EZH1: variants seen among roughly 807,000 people sequenced by gnomAD.
EZH1 encodes the protein histone-lysine N-methyltransferase EZH1.
In EZH1, 33 loss-of-function variants were observed where a neutral mutation model predicts 100.5. The ratio of observed to expected loss-of-function variants is 0.33; its 90% CI spans 0.25 to 0.44. The LOEUF is 0.44. Ranked by LOEUF, EZH1 falls within the 20% of genes least tolerant of loss-of-function variation. EZH1 has a pLI of 1.00. For synonymous variants in EZH1, 272 were observed against 313.8 expected, an observed-to-expected ratio of 0.87 and a Z score of 1.41; for missense variants, 475 against 928.4, an observed-to-expected ratio of 0.51 and a Z score of 6.35.
At chr17:42,730,459 G>C (rs1048813540) in intron 2 of EZH1, among the ~76,000 whole-genome samples, 1 of 148,364 alleles carries the variant, frequency 6.7e-6, no homozygotes, top group Non-Finnish European at 1.5e-5. Flanking sequence ...TTTGAATTAA[G>C]GTTCAACGTT....
chr17:42,703,753 G>A lies in EZH1; in HGVS notation c.2085C>T (p.Asn695=), dbSNP rs539028388. The A allele has an allele frequency of 1.1e-5, 18 of 1,613,940 alleles. No individual in the cohort carries two copies. The African/African-American group carries it at 1.7e-4, about 16-fold the overall frequency. The part of the protein sequence containing the change: ...IRFANHSVNP[N]CYAKVVMVNG... ...ACTGGGACTCACCTTTGGCATAACA[G>A]TTGGGATTCACTGAATGATTTGCAA... The change falls in exon 19 of 21, where the codon AAC becomes AAT. Residue 695 remains asparagine, a synonymous_variant. Coordinates refer to ENST00000428826, the MANE Select transcript of EZH1 (RefSeq NM_001991.5).
Position 42,703,743 on chromosome 17 carries a change from T to C in EZH1, c.2095A>G (p.Lys699Glu). 6.2e-7 allele frequency: 1 copy of C among 1,613,714 alleles called. No homozygotes were observed. Among genetic ancestry groups the C allele is most frequent in the Non-Finnish European group, 8.5e-7 (1 of 1,179,576 alleles). The change falls in exon 19 of 21, where the codon AAA (lysine) becomes GAA (glutamate). Residue 699 changes from lysine to glutamate, a missense_variant. Lys to Glu is a moderately conservative substitution (Grantham distance 56, BLOSUM62 1). Transcript: ENST00000428826. ...CTCCCAGGTTACTGGGACTCACCTTTGGCATAACAGTTGGGATTCACTGAA... is the reference window on the plus strand; with the variant it reads ...CTCCCAGGTTACTGGGACTCACCTTCGGCATAACAGTTGGGATTCACTGAA... ...NHSVNPNCYA[K>E]VVMVNGDHRI...
chr17:42,734,852 G>C, intron 1 of EZH1, among the ~76,000 whole-genome samples: 1 of 151,694 alleles, frequency 6.6e-6, no homozygotes, highest in East Asian at 1.9e-4. Flanking sequence ...AATTAGCCGG[G>C]TGTGGTGGTG....
chr17:42,736,075 A>C (rs1365927896), intron 1 of EZH1, among the ~76,000 whole-genome samples: 1 of 152,256 alleles, frequency 6.6e-6, no homozygotes, highest in Non-Finnish European at 1.5e-5. Context: ...CCATATCATT[A>C]GTCATTAGGG....
intron 4 of EZH1, among the ~76,000 whole-genome samples, chr17:42,726,910 T>C (rs565340963): frequency 6.6e-6 from 1 of 152,150 alleles, no homozygotes; most frequent in South Asian, 2.1e-4. Flanking sequence ...AGTGCAGTGG[T>C]GTGATCTTGG....
At chr17:42,711,533 C>T (rs571098189) in intron 12 of EZH1, among the ~76,000 whole-genome samples, 2 of 151,750 alleles carry the variant, frequency 1.3e-5, no homozygotes, top group South Asian at 2.1e-4. Flanking sequence ...ATCCCAGTTG[C>T]TTGGGAGGAT....
intron 1 of EZH1, among the ~76,000 whole-genome samples, chr17:42,736,852 TTAA>T (rs2054074489): frequency 6.6e-6 from 1 of 151,560 alleles, no homozygotes; most frequent in Admixed American, 6.6e-5. Flanking sequence ...CTCTGCCTCA[TTAA>T]TAATAATAGT....
chr17:42,744,404 G>A lies in EZH1; in HGVS notation c.-103+607C>T, dbSNP rs966265297. On this transcript the variant is annotated intron_variant, in intron 1 of 20. Coordinates refer to ENST00000428826, the MANE Select transcript of EZH1 (RefSeq NM_001991.5). Reference sequence around the variant, plus strand: ...GAAGGAGATTCTTGCTCAGGGCCAGGCCTGGGGTGAGGCGACCGAGGCACC... The same window carrying A: ...GAAGGAGATTCTTGCTCAGGGCCAGACCTGGGGTGAGGCGACCGAGGCACC... Among the ~76,000 whole-genome samples, 4 of 152,182 alleles carry A rather than the reference G, an allele frequency of 2.6e-5. No individual in the cohort carries two copies. In the East Asian group the frequency reaches 5.8e-4, roughly 22 times the overall value.
At chr17:42,732,909 A>C (rs994204860) in intron 1 of EZH1, among the ~76,000 whole-genome samples, 1 of 151,246 alleles carries the variant, frequency 6.6e-6, no homozygotes, top group Non-Finnish European at 1.5e-5. Context: ...CTGAGATTGC[A>C]CCACTGCGCT....
Position 42,729,208 on chromosome 17 carries a change from A to G in EZH1, c.-11-256T>C, listed in dbSNP as rs528097815. 69 of 314,180 alleles carry G rather than the reference A, an allele frequency of 2.2e-4. 1 individual carries two copies. In the South Asian group the frequency reaches 2.4e-3, roughly 11 times the overall value. The allele number at this position is 314,180 out of a possible 1,614,324, so 19.5% of individuals were successfully genotyped here. Reference sequence around the variant, plus strand: ...CACTACTTGAGCCCAGTGATTTGAGACAACCTTGGGCAACATGGTGAAACC... The same window carrying G: ...CACTACTTGAGCCCAGTGATTTGAGGCAACCTTGGGCAACATGGTGAAACC... On this transcript the variant is annotated intron_variant, in intron 2 of 20. Transcript: ENST00000428826.
rs2053323973 is a variant in EZH1 at position 42,705,045 on chromosome 17, G to C, written c.1935+43C>G. The C allele has an allele frequency of 4.1e-6, 6 of 1,481,326 alleles. No individual in the cohort carries two copies. The Admixed American group carries it at 6.7e-5, about 17-fold the overall frequency. 91.8% of individuals were successfully genotyped at this position (1,481,326 alleles called of 1,614,324 possible). ...CACAGAAAATCAGAGTTTCTCATCA[G>C]TCTCCCCCGAGTAAGAATGTGGGCC... On this transcript the variant is annotated intron_variant, in intron 17 of 20. Transcript: ENST00000428826.
intron 1 of EZH1, among the ~76,000 whole-genome samples, chr17:42,737,568 T>G (rs940953151): frequency 1.3e-5 from 2 of 152,216 alleles, no homozygotes; most frequent in Non-Finnish European, 1.5e-5. Context: ...ACTGCGCCAT[T>G]GCACTCCAGC....
At chr17:42,709,134 C>A in intron 13 of EZH1, 1 of 580,228 alleles carries the variant, frequency 1.7e-6, no homozygotes, top group Non-Finnish European at 3.1e-6. Context: ...ACAACCCCTC[C>A]CAAACAAGCA....
rs776239955 is a variant in EZH1 at position 42,706,202 on chromosome 17, G to A, written c.1661-17C>T. On this transcript the variant is annotated splice_polypyrimidine_tract_variant and intron_variant, in intron 15 of 20. Coordinates refer to ENST00000428826, the MANE Select transcript of EZH1 (RefSeq NM_001991.5). The surrounding 1 kb of genome is among the most constrained non-coding windows in gnomAD (Gnocchi z 4.4). ...GATTCTGACCTGGGAAGGGAAGACAGGTAAGTCTTAGAAGGGAAATAAGCT... is the reference window on the plus strand; with the variant it reads ...GATTCTGACCTGGGAAGGGAAGACAAGTAAGTCTTAGAAGGGAAATAAGCT... 4.8e-5 allele frequency: 76 copies of A among 1,599,186 alleles called. No individual in the cohort carries two copies. Among genetic ancestry groups the A allele is most frequent in the Non-Finnish European group, 6.3e-5 (74 of 1,170,314 alleles).
At chr17:42,711,107 G>A (rs1453535548) in intron 12 of EZH1, among the ~76,000 whole-genome samples, 2 of 151,982 alleles carry the variant, frequency 1.3e-5, no homozygotes, top group Non-Finnish European at 2.9e-5. Context: ...GTCTTTTCCT[G>A]GGCCAATCAC....
chr17:42,709,152 T>A (rs2053422683), intron 13 of EZH1: 1 of 572,214 alleles, frequency 1.7e-6, no homozygotes, highest in Non-Finnish European at 3.1e-6. Flanking sequence ...GCAAATAACA[T>A]AAAAGAACAC....
At chr17:42,725,162 T>C (rs1289903377) in intron 4 of EZH1, among the ~76,000 whole-genome samples, 1 of 152,074 alleles carries the variant, frequency 6.6e-6, no homozygotes. Context: ...CGATACTCCG[T>C]CTCAAAAAAA....
Position 42,722,693 on chromosome 17 carries a change from C to A in EZH1, c.487+102G>T, listed in dbSNP as rs2053738052. ...ACATTGAAATATTCTGCAGTGTGTA[C>A]CCCATGGGGCAGAAGATAAAAGCAA... On this transcript the variant is annotated intron_variant, in intron 6 of 20. Transcript: ENST00000428826. 11 of 1,153,382 alleles carry A rather than the reference C, an allele frequency of 9.5e-6. No homozygotes were observed. The South Asian group carries it at 1.6e-4, about 17-fold the overall frequency. The allele number at this position is 1,153,382 out of a possible 1,614,324, so 71.4% of individuals were successfully genotyped here.
In EZH1 at chr17:42,720,282, C is replaced by G. The variant is rs1339732674; in HGVS notation, c.655G>C (p.Ala219Pro). ...AGCCAGTGCTACGTACCTTCAATAG[C>G]ATGTCGCTTTCTCTTTCTTGTTACT... Reference protein sequence around the residue: ...LPVTRKRKRHAIEGNKKSSKK... With the variant: ...LPVTRKRKRHPIEGNKKSSKK... The change falls in exon 7 of 21, where the codon GCT becomes CCT. Residue 219 changes from alanine to proline, a missense_variant. Ala to Pro is a conservative substitution (Grantham distance 27). This residue lies in a region of EZH1 where 180 missense variants were observed against 295.3 expected (regional missense o/e 0.61). Transcript: ENST00000428826. The G allele has an allele frequency of 6.2e-7, 1 of 1,613,234 alleles. No homozygotes were observed. The highest frequency in any genetic ancestry group is 2.2e-5 in the East Asian group (1 of 44,864).
Sources: allele counts gnomAD v4.1 joint callset (sites outside exome capture counted in the v4.1 genomes callset), GRCh38; gene constraint gnomAD v4.1.1; regional missense constraint gnomAD v4.1.1; non-coding constraint Gnocchi (gnomAD v3.1); transcripts MANE v1.5; gene names NCBI Gene and HGNC (gene_info 2026-07-23, HGNC 2026-07-21).